Variants in PARD3B observed in about 807,000 individuals in gnomAD.
PARD3B encodes the protein par-3 family cell polarity regulator beta, also known as partitioning defective 3 homolog B.
PARD3B carries 103 observed loss-of-function variants against 130.2 expected under a neutral mutation model. The ratio of observed to expected loss-of-function variants is 0.79; its 90% CI spans 0.67 to 0.93. The LOEUF (loss-of-function observed/expected upper bound fraction) is 0.93. PARD3B is among the 40% of genes least tolerant of loss of function. The pLI, the probability that PARD3B is intolerant of heterozygous loss-of-function variation, is 0.00. For missense variants in PARD3B, 1,609 were observed against 1,499.2 expected, an observed-to-expected ratio of 1.07 and a Z score of -1.21; for synonymous variants, 583 against 553.2, an observed-to-expected ratio of 1.05 and a Z score of -0.76.
At chr2:205,476,024 A>G (rs1401375583) in intron 20 of PARD3B, among the ~76,000 whole-genome samples, 1 of 152,196 alleles carries the variant, frequency 6.6e-6, no homozygotes, top group Non-Finnish European at 1.5e-5. Flanking sequence ...TTGTGATCAC[A>G]GTCGCTGTCA....
Position 205,084,173 on chromosome 2 carries a change from CTT to C in PARD3B, c.505-20251_505-20250del, listed in dbSNP as rs551620857. On this transcript the variant is annotated intron_variant, in intron 4 of 22. Coordinates refer to ENST00000406610, the MANE Select transcript of PARD3B (RefSeq NM_001302769.2). Reference sequence around the variant, plus strand: ...CACGTTGCTTCTGTCTATTATGACTCTTTGCATTCTTATTGTATAATTGTTTT... The same window carrying C: ...CACGTTGCTTCTGTCTATTATGACTCTGCATTCTTATTGTATAATTGTTTT... Among the ~76,000 whole-genome samples the C allele has an allele frequency of 6.6e-5, 10 of 152,176 alleles. No homozygotes were observed. In the South Asian group the frequency reaches 2.1e-3, roughly 31 times the overall value.
At chr2:205,387,316 C>T (rs2045695770) in intron 18 of PARD3B, among the ~76,000 whole-genome samples, 1 of 152,196 alleles carries the variant, frequency 6.6e-6, no homozygotes, top group East Asian at 1.9e-4. Context: ...ACCTCTCCTC[C>T]CTCTAACTTG....
At chr2:205,353,503 A>G (rs1212275767) in intron 18 of PARD3B, among the ~76,000 whole-genome samples, 1 of 152,190 alleles carries the variant, frequency 6.6e-6, no homozygotes, top group African/African-American at 2.4e-5. Flanking sequence ...TCCTTAAAAA[A>G]TGACCTCTTT....
At chr2:205,445,981 A>G (rs73055921) in intron 20 of PARD3B, among the ~76,000 whole-genome samples, 6,891 of 152,286 alleles carry the variant, frequency 0.045, 542 homozygotes, top group African/African-American at 0.16. Context: ...CATTATGGAT[A>G]TTAGGATCCA....
At chr2:205,110,152 A>G (rs1703526680) in intron 5 of PARD3B, among the ~76,000 whole-genome samples, 1 of 152,160 alleles carries the variant, frequency 6.6e-6, no homozygotes, top group Non-Finnish European at 1.5e-5. Context: ...CATCTCTTCC[A>G]TACCTCAACA....
At chr2:204,546,497 T>C (rs2029949679) in intron 1 of PARD3B, among the ~76,000 whole-genome samples, 1 of 152,204 alleles carries the variant, frequency 6.6e-6, no homozygotes, top group African/African-American at 2.4e-5. Context: ...TAAAAGGTGC[T>C]GCTCACCTAA....
At chr2:205,022,795 GT>G (rs1553599292) in intron 3 of PARD3B, among the ~76,000 whole-genome samples, 3 of 152,080 alleles carry the variant, frequency 2.0e-5, no homozygotes, top group Non-Finnish European at 4.4e-5. Flanking sequence ...GGGACACTGG[GT>G]TTTCCCCCCT....
At chr2:204,969,557 T>C (rs1309974305) in intron 3 of PARD3B, among the ~76,000 whole-genome samples, 2 of 152,210 alleles carry the variant, frequency 1.3e-5, no homozygotes, top group Non-Finnish European at 2.9e-5. Flanking sequence ...AGGTAATCGA[T>C]ATTATTTTAC....
At chr2:204,761,722 G>A (rs1007072876) in intron 2 of PARD3B, among the ~76,000 whole-genome samples, 7 of 152,088 alleles carry the variant, frequency 4.6e-5, no homozygotes, top group Admixed American at 4.6e-4. Flanking sequence ...TTACGTCTTT[G>A]AATGTTCATC....
intron 18 of PARD3B, among the ~76,000 whole-genome samples, chr2:205,371,521 A>G (rs1366858497): frequency 6.6e-6 from 1 of 152,196 alleles, no homozygotes; most frequent in South Asian, 2.1e-4. Context: ...TGGGCATCAG[A>G]GGCTGTAGAG....
At chr2:204,579,527 T>A (rs139407556) in intron 1 of PARD3B, among the ~76,000 whole-genome samples, 85 of 152,288 alleles carry the variant, frequency 5.6e-4, no homozygotes, top group Non-Finnish European at 1.0e-3. Context: ...TCTGTTCTAC[T>A]CAGTCTCGTA....
intron 6 of PARD3B, among the ~76,000 whole-genome samples, chr2:205,115,166 G>T (rs1703938486): frequency 6.6e-6 from 1 of 152,142 alleles, no homozygotes. Flanking sequence ...CTATAGATCA[G>T]AAATCACATT....
rs3048088 is a variant in PARD3B at position 205,302,065 on chromosome 2, C to CTTTTTTTTTT, written c.2630+378_2630+387dup. 5.8e-4 allele frequency among the ~76,000 whole-genome samples: 45 copies of CTTTTTTTTTT among 77,774 alleles called. 2 individuals are homozygous for CTTTTTTTTTT. The highest frequency in any genetic ancestry group is 1.5e-3 in the African/African-American group (29 of 18,900). 51.0% of individuals were successfully genotyped at this position (77,774 alleles called of 152,430 possible). A position where few individuals can be genotyped will look rare whatever the true frequency, so the allele number is the denominator to read the frequency against. On this transcript the variant is annotated intron_variant, in intron 18 of 22. Coordinates refer to ENST00000406610, the MANE Select transcript of PARD3B (RefSeq NM_001302769.2). ...CTATTCTTTTTTTCTTTTTTCTTTT[C>CTTTTTTTTTT]TTTTTTTTTTTTTTTTTTTTTTTGA...
Position 205,291,259 on chromosome 2 carries a change from CA to C in PARD3B, c.2186-9265del, listed in dbSNP as rs1189502770. On this transcript the variant is annotated intron_variant, in intron 16 of 22. Transcript: ENST00000406610. The surrounding 1 kb of genome is among the most constrained non-coding windows in gnomAD (Gnocchi z 4.6). ...CAAACAAAAAAAGCAACAGCAACGA[CA>C]AAAAACACCAACACCACCAACACCA... Among the ~76,000 whole-genome samples, 2 of 152,098 alleles carry C rather than the reference CA, an allele frequency of 1.3e-5. No homozygotes were observed. Among genetic ancestry groups the C allele is most frequent in the South Asian group, 2.1e-4 (1 of 4,830 alleles).
At chr2:204,570,013 G>A (rs1036579923) in intron 1 of PARD3B, among the ~76,000 whole-genome samples, 8 of 152,064 alleles carry the variant, frequency 5.3e-5, no homozygotes, top group Non-Finnish European at 8.8e-5. Context: ...AATTTATAAC[G>A]GGGCTACAAG....
intron 2 of PARD3B, among the ~76,000 whole-genome samples, chr2:204,695,726 C>T (rs562845316): frequency 6.6e-6 from 1 of 151,956 alleles, no homozygotes; most frequent in Non-Finnish European, 1.5e-5. Context: ...TCTGCATAGC[C>T]CAGAAAGGGC....
chr2:205,308,622 A>AAAAAAC, intron 18 of PARD3B, among the ~76,000 whole-genome samples: 1 of 146,962 alleles, frequency 6.8e-6, no homozygotes, highest in Admixed American at 6.7e-5. Context: ...AAAAAAAACC[A>AAAAAAC]AACAACAAAA....
intron 19 of PARD3B, among the ~76,000 whole-genome samples, chr2:205,438,012 C>A (rs2106151955): frequency 6.6e-6 from 1 of 152,132 alleles, no homozygotes; most frequent in East Asian, 1.9e-4. Flanking sequence ...TCTTCTGCCA[C>A]CATACACTCC....
chr2:205,540,282 G>A (rs1280936809), intron 21 of PARD3B, among the ~76,000 whole-genome samples: 1 of 151,722 alleles, frequency 6.6e-6, no homozygotes, highest in East Asian at 1.9e-4. Context: ...TTTGCAGCTG[G>A]TCTATCACTT....
Sources: gnomAD v4.1 joint callset for allele counts (sites outside exome capture counted in the v4.1 genomes callset) on GRCh38, gnomAD v4.1.1 for gene constraint, Gnocchi (gnomAD v3.1) non-coding constraint, MANE v1.5 for transcripts, NCBI Gene and HGNC (gene_info 2026-07-23, HGNC 2026-07-21) for gene names.